Variants in KRT77 observed in about 807,000 individuals in gnomAD.
KRT77 encodes the protein keratin, type II cytoskeletal 1b.
A neutral mutation model predicts 51.5 loss-of-function variants in KRT77; 44 were observed. The observed-to-expected ratio is 0.85, with a 90% CI of 0.67 to 1.10. The LOEUF is 1.10. Among genes scored for constraint, KRT77 ranks in the 50% least tolerant of loss-of-function variants. The probability of loss-of-function intolerance (pLI) is 0.00; values close to 1 mark genes in which losing one functional copy is unlikely to be tolerated. For missense variants in KRT77, 763 were observed against 743.9 expected (o/e 1.03, Z -0.30); for synonymous variants, 293 against 302.0 (o/e 0.97, Z 0.31).
chr12:52,691,863 T>C, intron 8 of KRT77, 75 bp downstream of exon 8: 1 of 1,575,684 alleles, frequency 6.3e-7, no homozygotes, highest in Non-Finnish European at 8.7e-7. Context: ...CTTTCCGTTC[T>C]CTGCTGGCCA....
rs1941691263 is a variant in KRT77, at chr12:52,690,759, T to C, written c.*406A>G. ...AATACTTAGCTGCAGTGGCTTGAACTGGGGCATAAGGGCATTCTACTTGGA... is the reference window on the plus strand; with the variant it reads ...AATACTTAGCTGCAGTGGCTTGAACCGGGGCATAAGGGCATTCTACTTGGA... On this transcript the variant is annotated 3_prime_UTR_variant, in exon 9 of 9. Transcript: ENST00000341809. 9.4e-6 allele frequency: 3 copies of C among 319,774 alleles called. No homozygotes were observed. Among genetic ancestry groups the C allele is most frequent in the Non-Finnish European group, 1.7e-5 (3 of 171,688 alleles). The allele number at this position is 319,774 out of a possible 1,614,324, so 19.8% of individuals were successfully genotyped here. A position where few individuals can be genotyped will look rare whatever the true frequency, so the allele number is the denominator to read the frequency against.
chr12:52,700,284 C>G (rs1449578804), intron 1 of KRT77, among the ~76,000 whole-genome samples: 2 of 152,226 alleles, frequency 1.3e-5, no homozygotes, highest in African/African-American at 4.8e-5. Context: ...AGTTTGCATT[C>G]TATTTAGAGA....
chr12:52,693,094 G>T (rs532275860), intron 5 of KRT77, among the ~76,000 whole-genome samples: 3 of 150,528 alleles, frequency 2.0e-5, no homozygotes, highest in Non-Finnish European at 4.5e-5. Flanking sequence ...CAAGCCTCCC[G>T]CATTCCCACC....
At position 52,691,373 on chromosome 12, in the gene KRT77, C is replaced by A; in HGVS notation, c.1529G>T (p.Gly510Val). 6.2e-7 allele frequency: 1 copy of A among 1,603,532 alleles called. No individual in the cohort carries two copies. ...AGGGGSYGSG[G>V]YGGGSGGGYG... ...GCCCCCACCGCTGCCGCCGCCGTAG[C>A]CTCCTGAGCCGTAGCTGCCGCCGCC... The change falls in exon 9 of 9, where the codon GGC becomes GTC. Residue 510 changes from glycine (G) to valine (V), a missense_variant. Physicochemically the swap from Gly to Val is moderately radical, Grantham distance 109. Transcript: ENST00000341809.
chr12:52,692,920 C>A, intron 5 of KRT77, 40 bp from the exon 6 acceptor site: 1 of 1,595,674 alleles, frequency 6.3e-7, no homozygotes, highest in South Asian at 1.1e-5. Context: ...ATGTGCTGCC[C>A]ACCACAAGCC....
At chr12:52,694,920 G>A in intron 4 of KRT77, 130 bp from the exon 5 acceptor site, 1 of 780,502 alleles carries the variant, frequency 1.3e-6, no homozygotes. Flanking sequence ...AAAAGCTCTT[G>A]GAATTGTTGT....
In KRT77 at chr12:52,703,479, C is replaced by A. The variant is rs73094689; in HGVS notation, c.-45G>T. On this transcript the variant is annotated 5_prime_UTR_variant, in exon 1 of 9. Coordinates refer to ENST00000341809, the MANE Select transcript of KRT77 (RefSeq NM_175078.3). ...GAAGCAGGCAAGAGAAAGAGCCTGG[C>A]AGGAAGGAGGCAGAGACCAGAGAGG... 0.18 allele frequency: 264,983 copies of A among 1,513,770 alleles called. 24,773 individuals carry two copies. Among genetic ancestry groups the A allele is most frequent in the Admixed American group, 0.28 (12,867 of 46,476 alleles). 93.8% of individuals were successfully genotyped at this position (1,513,770 alleles called of 1,614,324 possible). A position where few individuals can be genotyped will look rare whatever the true frequency, so the allele number is the denominator to read the frequency against.
At chr12:52,702,817 A>G in intron 1 of KRT77, 75 bp downstream of exon 1, 1 of 1,445,776 alleles carries the variant, frequency 6.9e-7, no homozygotes, top group Non-Finnish European at 9.6e-7. Flanking sequence ...CGATGTGGTG[A>G]GAGGTGGTAA....
At chr12:52,698,500 T>G (rs779176409) in intron 1 of KRT77, among the ~76,000 whole-genome samples, 2 of 152,206 alleles carry the variant, frequency 1.3e-5, no homozygotes, top group Non-Finnish European at 2.9e-5. Context: ...AAAAGTCTAA[T>G]GCATTCAAGT....
At chr12:52,701,432 C>T (rs1015474495) in intron 1 of KRT77, among the ~76,000 whole-genome samples, 2 of 152,194 alleles carry the variant, frequency 1.3e-5, no homozygotes, top group Admixed American at 6.5e-5. Flanking sequence ...GCTCAGATAT[C>T]AGAGGCCTGC....
intron 2 of KRT77, 46 bp downstream of exon 2, chr12:52,697,636 T>A: frequency 7.4e-7 from 1 of 1,359,820 alleles, no homozygotes; most frequent in Non-Finnish European, 9.9e-7. Context: ...CTGTGACCAG[T>A]TTCCGGCCAT....
At position 52,691,218 on chromosome 12, in the gene KRT77, C is replaced by G. The variant is rs751663426; in HGVS notation, c.1684G>C (p.Val562Leu). 13 of 1,614,068 alleles carry G rather than the reference C, an allele frequency of 8.1e-6. No homozygotes were observed. The highest frequency in any genetic ancestry group is 1.1e-5 in the Non-Finnish European group (13 of 1,179,986). ...TTGGTGGAGGTCTGGATGATCTGCA[C>G]GCGCGAGGATCCGCGGCCGCTTCTG... Reference protein sequence around the residue: ...SGRSGRGSSRVQIIQTSTNTS... With the variant: ...SGRSGRGSSRLQIIQTSTNTS... The change falls in exon 9 of 9, where the codon GTG becomes CTG. Residue 562 changes from valine to leucine, a missense_variant. Val to Leu is a conservative substitution (Grantham distance 32). Coordinates refer to ENST00000341809, the MANE Select transcript of KRT77 (RefSeq NM_175078.3).
At position 52,692,912 on chromosome 12, in the gene KRT77, G is replaced by A. The variant is rs199612711; in HGVS notation, c.1081-32C>T. On this transcript the variant is annotated intron_variant, in intron 5 of 8. Coordinates refer to ENST00000341809, the MANE Select transcript of KRT77 (RefSeq NM_175078.3). Reference sequence around the variant, plus strand: ...CCAAAGGCAGCATCATAGTCAGCATGTGCTGCCCACCACAAGCCCCTCCAG... The same window carrying A: ...CCAAAGGCAGCATCATAGTCAGCATATGCTGCCCACCACAAGCCCCTCCAG... 124 of 1,599,350 alleles carry A rather than the reference G, an allele frequency of 7.8e-5. 8 individuals are homozygous for A. The highest frequency in any genetic ancestry group is 1.0e-4 in the Non-Finnish European group (117 of 1,168,628).
In KRT77 at chr12:52,697,685, C is replaced by T. The variant is rs781132843; in HGVS notation, c.755G>A (p.Ser252Asn). 1.2e-6 allele frequency: 2 copies of T among 1,611,686 alleles called. No homozygotes were observed. Among genetic ancestry groups the T allele is most frequent in the East Asian group, 2.2e-5 (1 of 44,698 alleles). ...SMQDVVEDYK[S>N]KYEDEINKRT... ...TTTGCCCTGCCTGGAGTCTCACTTG[C>T]TCTTGTAGTCCTCCACGACATCCTG... Residue 252 changes from serine to asparagine, a missense_variant, in exon 2 of 9, where the codon AGC becomes AAC. Coordinates refer to ENST00000341809, the MANE Select transcript of KRT77 (RefSeq NM_175078.3).
chr12:52,702,554 T>TGTGTGTGTGTGTG (rs1565655562), intron 1 of KRT77, among the ~76,000 whole-genome samples: 159 of 62,236 alleles, frequency 2.6e-3, no homozygotes, highest in South Asian at 4.8e-3. Context: ...GTGTGTGTGT[T>TGTGTGTGTGTGTG]TGTGTGTGTG....
chr12:52,701,511 A>G (rs1044202324), intron 1 of KRT77, among the ~76,000 whole-genome samples: 25 of 152,204 alleles, frequency 1.6e-4, no homozygotes, highest in African/African-American at 5.5e-4. Flanking sequence ...CTCTGGCCTC[A>G]GCACTGAACT....
In KRT77 at chr12:52,691,964, C is replaced by A; in HGVS notation, c.1436G>T (p.Gly479Val). ...LLEGEESRMS[G>V]ELQSHVSISV... is the part of the protein sequence containing the mutation. Reference sequence around the variant, plus strand: ...GATGCTCACATGGCTCTGCAGCTCTCCTGACATCCTGTAAAACCAAAGCAC... The same window carrying A: ...GATGCTCACATGGCTCTGCAGCTCTACTGACATCCTGTAAAACCAAAGCAC... The change falls in exon 8 of 9, where the codon GGA (glycine) becomes GTA (valine). Residue 479 changes from glycine (G) to valine (V), a missense_variant. Physicochemically the swap from Gly to Val is moderately radical, Grantham distance 109. Coordinates refer to ENST00000341809, the MANE Select transcript of KRT77 (RefSeq NM_175078.3). 6.2e-7 allele frequency: 1 copy of A among 1,614,056 alleles called. No homozygotes were observed. The highest frequency in any genetic ancestry group is 8.5e-7 in the Non-Finnish European group (1 of 1,180,040).
At chr12:52,692,692 G>C (rs765890405) in intron 6 of KRT77, 51 bp from the exon 7 acceptor site, 3 of 1,594,524 alleles carry the variant, frequency 1.9e-6, no homozygotes, top group African/African-American at 1.3e-5. Context: ...TCCAGAGCTC[G>C]ATCTGGCAGG....
intron 2 of KRT77, chr12:52,696,647 C>G: frequency 1.9e-6 from 1 of 515,242 alleles, no homozygotes; most frequent in South Asian, 3.3e-5. Context: ...AGAGGGGACC[C>G]CGGGCCAACA....
Sources: gnomAD v4.1 joint callset for allele counts (sites outside exome capture counted in the v4.1 genomes callset) on GRCh38, gnomAD v4.1.1 for gene constraint, MANE v1.5 for transcripts, NCBI Gene and HGNC (gene_info 2026-07-23, HGNC 2026-07-21) for gene names.